The following CEP57 variants were observed in gnomAD, a reference collection of about 807,000 sequenced individuals.
CEP57 encodes centrosomal protein of 57 kDa.
CEP57 carries 40 observed loss-of-function variants against 68.0 expected under a neutral mutation model. The observed-to-expected ratio is 0.59, with a 90% CI of 0.46 to 0.77. The LOEUF (loss-of-function observed/expected upper bound fraction) is 0.77, where lower values mean the gene tolerates loss of function less well. CEP57 is among the 30% of genes least tolerant of loss of function. The pLI is 0.00. For missense variants in CEP57, 606 were observed against 580.7 expected, an observed-to-expected ratio of 1.04 and a Z score of -0.45; for synonymous variants, 219 against 198.7, an observed-to-expected ratio of 1.10 and a Z score of -0.86.
rs956431529 is a variant in CEP57, at chr11:95,805,417, A to C, written c.202+6029A>C. 3.1e-4 allele frequency among the ~76,000 whole-genome samples: 47 copies of C among 152,104 alleles called. 1 individual carries two copies. The highest frequency in any genetic ancestry group is 1.1e-3 in the African/African-American group (44 of 41,468). The stretch of plus-strand genomic sequence containing the variant: ...TTTCATGTCTGCATTTTTTCTAGTT[A>C]TATTGTAGTCTCATTGCATACCAGC... On this transcript the variant is annotated intron_variant, in intron 2 of 10. Transcript: ENST00000325542.
rs1472875805 is a variant in CEP57, at chr11:95,828,110, CT to C, written c.1127+86del. The C allele has an allele frequency of 4.0e-6, 6 of 1,489,164 alleles. No homozygotes were observed. The African/African-American group carries it at 8.5e-5, about 21-fold the overall frequency. The allele number at this position is 1,489,164 out of a possible 1,614,324, so 92.2% of individuals were successfully genotyped here. On this transcript the variant is annotated intron_variant, in intron 9 of 10. Coordinates refer to ENST00000325542, the MANE Select transcript of CEP57 (RefSeq NM_014679.5). ...AACTTGTTGACTTTATTAAATCTTA[CT>C]TTCCTTTGTTGAGCAAGTATGGTTG...
intron 2 of CEP57, among the ~76,000 whole-genome samples, chr11:95,804,762 G>A (rs1861722559): frequency 1.3e-5 from 2 of 152,198 alleles, no homozygotes; most frequent in South Asian, 4.1e-4. Flanking sequence ...AAATAAATAT[G>A]ACATAGTAAA....
intron 1 of CEP57, among the ~76,000 whole-genome samples, chr11:95,791,582 A>G (rs1861080283): frequency 1.3e-5 from 2 of 152,220 alleles, no homozygotes; most frequent in Admixed American, 1.3e-4. Context: ...TTTGAAGGAG[A>G]AAAACACTGA....
chr11:95,812,157 T>G (rs1283494190), intron 2 of CEP57, among the ~76,000 whole-genome samples: 1 of 152,158 alleles, frequency 6.6e-6, no homozygotes, highest in Non-Finnish European at 1.5e-5. Context: ...AGTATTATTT[T>G]TGTGTGCTTG....
chr11:95,806,109 C>G (rs775928223), intron 2 of CEP57, among the ~76,000 whole-genome samples: 7 of 152,156 alleles, frequency 4.6e-5, no homozygotes, highest in Non-Finnish European at 7.3e-5. Context: ...ACCACAAAGC[C>G]AGCTTGCTTT....
chr11:95,808,291 A>G (rs1001567902), intron 2 of CEP57, among the ~76,000 whole-genome samples: 4 of 152,204 alleles, frequency 2.6e-5, no homozygotes, highest in African/African-American at 9.6e-5. Context: ...CATCGAGACT[A>G]GGAAGAAACT....
intron 8 of CEP57, 199 bp downstream of exon 8, chr11:95,822,775 A>C: frequency 1.7e-6 from 1 of 574,704 alleles, no homozygotes. Context: ...AGGATACCTT[A>C]AAGTAGATAA....
Position 95,831,460 on chromosome 11 carries a change from T to G in CEP57, c.*204T>G. 1 of 485,650 alleles carries G rather than the reference T, an allele frequency of 2.1e-6. No individual in the cohort carries two copies. Among genetic ancestry groups the G allele is most frequent in the Non-Finnish European group, 3.7e-6 (1 of 270,218 alleles). 30.1% of individuals were successfully genotyped at this position (485,650 alleles called of 1,614,324 possible). A position where few individuals can be genotyped will look rare whatever the true frequency, so the allele number is the denominator to read the frequency against. ...ATTTAAATGGAAACCAGGGGAGTTT[T>G]AAAGCCCGAGAAACCACACATAATC... On this transcript the variant is annotated 3_prime_UTR_variant, in exon 11 of 11. Transcript: ENST00000325542.
chr11:95,827,425 T>A, intron 8 of CEP57: 1 of 255,194 alleles, frequency 3.9e-6, no homozygotes, highest in Admixed American at 5.1e-5. Flanking sequence ...TTAAAAATAA[T>A]ATATTTGAAC....
intron 2 of CEP57, among the ~76,000 whole-genome samples, chr11:95,800,187 A>G (rs1245410400): frequency 6.6e-6 from 1 of 152,160 alleles, no homozygotes; most frequent in East Asian, 1.9e-4. Flanking sequence ...GTTCTTTACT[A>G]GAGGCTCTGG....
chr11:95,826,353 T>C (rs680134), intron 8 of CEP57: 42,235 of 152,160 alleles, frequency 0.28, 7,050 homozygotes, highest in Non-Finnish European at 0.38. Context: ...AAATTTATTA[T>C]AGTTCTCAGT....
intron 8 of CEP57, among the ~76,000 whole-genome samples, chr11:95,825,284 C>G (rs961294533): frequency 7.9e-5 from 12 of 152,080 alleles, no homozygotes; most frequent in African/African-American, 2.9e-4. Context: ...ATAATAAATT[C>G]CTGTTGGAGA....
At chr11:95,807,082 T>G (rs1279414827) in intron 2 of CEP57, among the ~76,000 whole-genome samples, 1 of 152,140 alleles carries the variant, frequency 6.6e-6, no homozygotes, top group East Asian at 1.9e-4. Context: ...TTCTGCAGCT[T>G]CCGTTGGTGA....
intron 1 of CEP57, among the ~76,000 whole-genome samples, chr11:95,798,597 A>T (rs992166704): frequency 1.3e-5 from 2 of 152,220 alleles, no homozygotes; most frequent in African/African-American, 4.8e-5. Context: ...TACAACAAAT[A>T]AAACTCCACA....
At chr11:95,823,331 A>G (rs1293226247) in intron 8 of CEP57, 1 of 152,230 alleles carries the variant, frequency 6.6e-6, no homozygotes, top group Non-Finnish European at 1.5e-5. Flanking sequence ...CCCTTGAACA[A>G]CATGAGTCCG....
chr11:95,829,429 A>G, intron 10 of CEP57, 98 bp downstream of exon 10: 1 of 1,235,710 alleles, frequency 8.1e-7, no homozygotes, highest in Non-Finnish European at 1.2e-6. Flanking sequence ...ATCATAGATA[A>G]ATATCTACAG....
chr11:95,819,848 G>T (rs536839711), intron 6 of CEP57, among the ~76,000 whole-genome samples: 2 of 152,132 alleles, frequency 1.3e-5, no homozygotes, highest in Non-Finnish European at 2.9e-5. Context: ...GACTTATTTT[G>T]TATTAAATCT....
At chr11:95,812,571 T>C (rs1389650617) in intron 2 of CEP57, among the ~76,000 whole-genome samples, 1 of 151,338 alleles carries the variant, frequency 6.6e-6, no homozygotes, top group Non-Finnish European at 1.5e-5. Context: ...GCCTCCCGAG[T>C]AGCTGGGATT....
chr11:95,804,352 G>A lies in CEP57; in HGVS notation c.202+4964G>A, dbSNP rs142942549. Among the ~76,000 whole-genome samples, 99 of 152,278 alleles carry A rather than the reference G, an allele frequency of 6.5e-4. 1 individual carries two copies. The East Asian group carries it at 0.018, about 28-fold the overall frequency. On this transcript the variant is annotated intron_variant, in intron 2 of 10. Transcript: ENST00000325542. ...CAGAAATAAAATGAGTTTCAAGCCA[G>A]GACAGTAAGGATGGAACTAAAGCCT...
Sources: gnomAD v4.1 joint callset for allele counts (sites outside exome capture counted in the v4.1 genomes callset) on GRCh38, gnomAD v4.1.1 for gene constraint, MANE v1.5 for transcripts, NCBI Gene and HGNC (gene_info 2026-07-23, HGNC 2026-07-21) for gene names.